The following LPP variants were observed in gnomAD, a reference collection of about 807,000 sequenced individuals.
LPP encodes the protein LIM domain containing preferred translocation partner in lipoma, also known as lipoma-preferred partner.
Under a neutral mutation model 60.4 loss-of-function variants are expected in LPP, and 38 were observed. That is an observed-to-expected ratio of 0.63 (90% confidence interval 0.49 to 0.83). The LOEUF is 0.83. Among genes scored for constraint, LPP ranks in the 40% least tolerant of loss-of-function variants. LPP has a pLI of 0.00. For synonymous variants in LPP, 328 were observed against 290.8 expected, an observed-to-expected ratio of 1.13 and a Z score of -1.30; for missense variants, 902 against 783.6, an observed-to-expected ratio of 1.15 and a Z score of -1.80.
intron 6 of LPP, among the ~76,000 whole-genome samples, chr3:188,603,844 T>C (rs1841908955): frequency 6.6e-6 from 1 of 152,178 alleles, no homozygotes; most frequent in African/African-American, 2.4e-5. Context: ...TTTGATATTT[T>C]GTATATTCCT....
chr3:188,293,095 G>A (rs1015644557), intron 2 of LPP, among the ~76,000 whole-genome samples: 3 of 152,156 alleles, frequency 2.0e-5, no homozygotes, highest in Non-Finnish European at 4.4e-5. Context: ...TTTTATTTGA[G>A]CTGGCATTGA....
At chr3:188,173,609 G>A (rs561334045) in intron 1 of LPP, among the ~76,000 whole-genome samples, 8 of 152,284 alleles carry the variant, frequency 5.3e-5, no homozygotes, top group African/African-American at 1.4e-4. Flanking sequence ...GACGTATAAT[G>A]TTGTAATCAT....
intron 2 of LPP, among the ~76,000 whole-genome samples, chr3:188,252,566 C>T (rs748489549): frequency 7.9e-5 from 12 of 151,942 alleles, no homozygotes; most frequent in Non-Finnish European, 1.6e-4. Flanking sequence ...TGGAATGTCC[C>T]ACTAGCATTC....
intron 6 of LPP, among the ~76,000 whole-genome samples, chr3:188,575,530 C>G (rs1276200221): frequency 6.6e-6 from 1 of 152,064 alleles, no homozygotes; most frequent in African/African-American, 2.4e-5. Flanking sequence ...TAGTACGTGG[C>G]AGGGCTCAGA....
chr3:188,657,271 T>TATATATATATATATATATATATAC (rs1853479530), intron 7 of LPP, among the ~76,000 whole-genome samples: 1 of 143,940 alleles, frequency 6.9e-6, no homozygotes, highest in Non-Finnish European at 1.5e-5. Context: ...TATATATATA[T>TATATATATATATATATATATATAC]ATATATATAT....
chr3:188,433,916 G>T (rs1342936854), intron 4 of LPP, among the ~76,000 whole-genome samples: 1 of 152,128 alleles, frequency 6.6e-6, no homozygotes, highest in Non-Finnish European at 1.5e-5. Context: ...GAGGACAAAA[G>T]AAACCCTGTC....
At chr3:188,501,328 T>A (rs551891868) in intron 5 of LPP, among the ~76,000 whole-genome samples, 9 of 152,294 alleles carry the variant, frequency 5.9e-5, no homozygotes, top group Admixed American at 1.3e-4. Flanking sequence ...AAAGAGCATA[T>A]TATTGGCTGG....
intron 2 of LPP, among the ~76,000 whole-genome samples, chr3:188,252,367 CT>C (rs1730176108): frequency 1.4e-5 from 2 of 139,616 alleles, no homozygotes; most frequent in African/African-American, 5.5e-5. Context: ...TTTTTTTTTC[CT>C]CTCTCTCTCT....
chr3:188,624,636 C>T (rs1374848350), intron 7 of LPP, among the ~76,000 whole-genome samples: 1 of 152,158 alleles, frequency 6.6e-6, no homozygotes, highest in African/African-American at 2.4e-5. Context: ...TAGTACCAGA[C>T]TATTAATAGG....
chr3:188,693,844 C>T (rs530761185), intron 7 of LPP, among the ~76,000 whole-genome samples: 2 of 152,296 alleles, frequency 1.3e-5, no homozygotes, highest in South Asian at 2.1e-4. Flanking sequence ...ATCAAGAATG[C>T]GTCACTCTTC....
chr3:188,371,457 C>G (rs1259101927), intron 3 of LPP, among the ~76,000 whole-genome samples: 3 of 150,768 alleles, frequency 2.0e-5, no homozygotes, highest in African/African-American at 7.3e-5. Context: ...GACCAGGTAT[C>G]AGACATGCCA....
chr3:188,338,178 G>A (rs983683038), intron 2 of LPP, among the ~76,000 whole-genome samples: 1 of 152,204 alleles, frequency 6.6e-6, no homozygotes, highest in Non-Finnish European at 1.5e-5. Context: ...ATCAGAGAGG[G>A]AAGCAATTAA....
intron 1 of LPP, among the ~76,000 whole-genome samples, chr3:188,203,620 T>C (rs1732293534): frequency 8.3e-6 from 1 of 120,440 alleles, no homozygotes; most frequent in African/African-American, 3.2e-5. Flanking sequence ...TATTTAAATA[T>C]ATATACATAT....
chr3:188,231,219 G>T (rs1266946824), intron 2 of LPP, among the ~76,000 whole-genome samples: 3 of 152,168 alleles, frequency 2.0e-5, no homozygotes, highest in African/African-American at 7.2e-5. Context: ...GTGAATATGA[G>T]CACAAGGTTA....
intron 7 of LPP, among the ~76,000 whole-genome samples, chr3:188,670,858 G>A (rs191565791): frequency 2.0e-5 from 3 of 152,276 alleles, no homozygotes; most frequent in East Asian, 3.9e-4. Flanking sequence ...TATTTGGAGC[G>A]CTACCATGAT....
chr3:188,618,344 T>C (rs1267061142), intron 7 of LPP, among the ~76,000 whole-genome samples: 2 of 152,196 alleles, frequency 1.3e-5, no homozygotes, highest in African/African-American at 4.8e-5. Context: ...TATGAGATAA[T>C]AACATTTAAC....
At chr3:188,319,788 A>G (rs964906139) in intron 2 of LPP, among the ~76,000 whole-genome samples, 1 of 152,246 alleles carries the variant, frequency 6.6e-6, no homozygotes, top group Non-Finnish European at 1.5e-5. Flanking sequence ...ACATGACTAA[A>G]GAAGTGATTA....
chr3:188,486,374 G>A (rs905674436), intron 5 of LPP, among the ~76,000 whole-genome samples: 1 of 152,136 alleles, frequency 6.6e-6, no homozygotes, highest in African/African-American at 2.4e-5. Flanking sequence ...CTCAGGGAAC[G>A]TAAAAGTTAG....
At chr3:188,245,366 C>A (rs547406079) in intron 2 of LPP, among the ~76,000 whole-genome samples, 13 of 152,288 alleles carry the variant, frequency 8.5e-5, no homozygotes, top group Admixed American at 2.0e-4. Flanking sequence ...CTGCCTCGGC[C>A]TCCCAAAGTG....
Sources: gnomAD v4.1 joint callset for allele counts (sites outside exome capture counted in the v4.1 genomes callset) on GRCh38, gnomAD v4.1.1 for gene constraint, MANE v1.5 for transcripts, NCBI Gene and HGNC (gene_info 2026-07-23, HGNC 2026-07-21) for gene names.